INSYN2B: variants seen among roughly 807,000 people sequenced by gnomAD.
INSYN2B encodes the protein inhibitory synaptic factor family member 2B, also known as protein INSYN2B.
INSYN2B carries 16 observed loss-of-function variants against 41.2 expected under a neutral mutation model. The ratio of observed to expected loss-of-function variants is 0.39; its 90% CI spans 0.26 to 0.59. INSYN2B has a LOEUF of 0.59. Ranked by LOEUF, INSYN2B falls within the 20% of genes least tolerant of loss-of-function variation. INSYN2B has a pLI of 0.57. For synonymous variants in INSYN2B, 245 were observed against 244.4 expected, an observed-to-expected ratio of 1.00 and a Z score of -0.02; for missense variants, 608 against 646.4, an observed-to-expected ratio of 0.94 and a Z score of 0.64.
At position 169,881,242 on chromosome 5, in the gene INSYN2B, A is replaced by G; in HGVS notation, c.1421+126T>C. The G allele has an allele frequency of 8.0e-6, 6 of 750,108 alleles. No homozygotes were observed. The South Asian group carries it at 1.0e-4, about 13-fold the overall frequency. The allele number at this position is 750,108 out of a possible 1,614,324, so 46.5% of individuals were successfully genotyped here. On this transcript the variant is annotated intron_variant, in intron 3 of 3. Coordinates refer to ENST00000377365, the MANE Select transcript of INSYN2B (RefSeq NM_001129891.3). Reference sequence around the variant, plus strand: ...ATCCCTGCCTTGGAACCAGATGTTAACATTTCATAGTTAAATACCTTGTTT... The same window carrying G: ...ATCCCTGCCTTGGAACCAGATGTTAGCATTTCATAGTTAAATACCTTGTTT...
intron 1 of INSYN2B, among the ~76,000 whole-genome samples, chr5:169,926,315 A>G (rs985154740): frequency 3.9e-5 from 6 of 152,234 alleles, no homozygotes; most frequent in African/African-American, 1.4e-4. Context: ...CGCTTTGCAT[A>G]GGATGGCACT....
At chr5:169,898,383 G>A (rs1773731200) in intron 1 of INSYN2B, among the ~76,000 whole-genome samples, 1 of 152,186 alleles carries the variant, frequency 6.6e-6, no homozygotes, top group Admixed American at 6.5e-5. Context: ...AGGTTCTAGA[G>A]CCAGGCTGCC....
At chr5:169,903,589 C>T (rs1320368496) in intron 1 of INSYN2B, among the ~76,000 whole-genome samples, 3 of 151,978 alleles carry the variant, frequency 2.0e-5, no homozygotes, top group Non-Finnish European at 2.9e-5. Context: ...GAAGTCACTT[C>T]AGGACACAGT....
chr5:169,919,569 A>G (rs1210292871), intron 1 of INSYN2B, among the ~76,000 whole-genome samples: 2 of 152,204 alleles, frequency 1.3e-5, no homozygotes, highest in East Asian at 1.9e-4. Context: ...TGGACATTAA[A>G]CTGATCATTA....
Position 169,974,119 on chromosome 5 carries a change from TAAATG to T in INSYN2B, c.-919+6153_-919+6157del, listed in dbSNP as rs768101492. ...ATGATAGCCTCCTTTTTTTCTAAAT[TAAATG>T]AAAGCATTCTGAAGTCAAGCTGATC... is the stretch of plus-strand genomic sequence containing the variant. On this transcript the variant is annotated intron_variant, in intron 1 of 3. Coordinates refer to ENST00000377365, the MANE Select transcript of INSYN2B (RefSeq NM_001129891.3). Among the ~76,000 whole-genome samples the T allele has an allele frequency of 4.6e-5, 7 of 152,196 alleles. No homozygotes were observed. The East Asian group carries it at 7.7e-4, about 17-fold the overall frequency.
intron 1 of INSYN2B, among the ~76,000 whole-genome samples, chr5:169,931,835 G>T (rs1232874914): frequency 6.6e-6 from 1 of 152,208 alleles, no homozygotes; most frequent in Non-Finnish European, 1.5e-5. Flanking sequence ...TTCCTCCAGG[G>T]ATCATAGCCT....
At position 169,881,437 on chromosome 5, in the gene INSYN2B, T is replaced by C; in HGVS notation, c.1352A>G (p.Asn451Ser). ...EKARALTEGR[N>S]FYRTGQDLNN... ...GAGATCTTGGCCAGTTCGATAAAAGTTGCGCCTGCAAGACAGAGCATTTGC... is the reference window on the plus strand; with the variant it reads ...GAGATCTTGGCCAGTTCGATAAAAGCTGCGCCTGCAAGACAGAGCATTTGC... The change falls in exon 3 of 4, where the codon AAC (asparagine) becomes AGC (serine). Residue 451 changes from asparagine (N) to serine (S), a missense_variant. Transcript: ENST00000377365. The C allele has an allele frequency of 6.4e-7, 1 of 1,551,464 alleles. No individual in the cohort carries two copies.
chr5:169,951,832 T>C (rs1776678779), intron 1 of INSYN2B, among the ~76,000 whole-genome samples: 1 of 152,122 alleles, frequency 6.6e-6, no homozygotes, highest in African/African-American at 2.4e-5. Context: ...ATGACAAAAC[T>C]GAGAAGCTGA....
chr5:169,923,096 A>G (rs2113656858), intron 1 of INSYN2B, among the ~76,000 whole-genome samples: 1 of 152,324 alleles, frequency 6.6e-6, no homozygotes, highest in African/African-American at 2.4e-5. Flanking sequence ...TCATGGAACC[A>G]GGATTGTGCC....
intron 1 of INSYN2B, among the ~76,000 whole-genome samples, chr5:169,972,712 C>T (rs1167243674): frequency 6.6e-6 from 1 of 152,074 alleles, no homozygotes; most frequent in East Asian, 1.9e-4. Flanking sequence ...TCCTTACACA[C>T]AATAAGTGCT....
At chr5:169,958,300 G>A (rs186053671) in intron 1 of INSYN2B, among the ~76,000 whole-genome samples, 2 of 152,264 alleles carry the variant, frequency 1.3e-5, no homozygotes, top group Admixed American at 6.5e-5. Flanking sequence ...GAATCTATTA[G>A]ATATGGTCTT....
intron 1 of INSYN2B, among the ~76,000 whole-genome samples, chr5:169,954,468 T>C (rs1776786214): frequency 6.6e-6 from 1 of 152,196 alleles, no homozygotes; most frequent in African/African-American, 2.4e-5. Flanking sequence ...GGTAAGGCAA[T>C]AGATGAAGGC....
At chr5:169,910,487 G>A (rs924810838) in intron 1 of INSYN2B, among the ~76,000 whole-genome samples, 12 of 152,106 alleles carry the variant, frequency 7.9e-5, no homozygotes, top group South Asian at 2.1e-4. Flanking sequence ...GGTTGGAGGC[G>A]TGCTTACCTT....
intron 1 of INSYN2B, among the ~76,000 whole-genome samples, chr5:169,935,253 A>G (rs1409151327): frequency 6.9e-6 from 1 of 144,390 alleles, no homozygotes; most frequent in Non-Finnish European, 1.5e-5. Flanking sequence ...GTCACTGCCA[A>G]GATCCTCTCT....
chr5:169,884,989 G>A (rs1281502980), intron 1 of INSYN2B, among the ~76,000 whole-genome samples, 173 bp from the exon 2 acceptor site: 1 of 152,052 alleles, frequency 6.6e-6, no homozygotes, highest in Non-Finnish European at 1.5e-5. Flanking sequence ...GTGGGTGCAA[G>A]GCCTTGGAAC....
chr5:169,978,386 T>TGGG (rs1561863630), intron 1 of INSYN2B, among the ~76,000 whole-genome samples: 3 of 16,720 alleles, frequency 1.8e-4, no homozygotes, highest in Non-Finnish European at 2.3e-4. Context: ...TGTGTGTGTG[T>TGGG]GTGTGTGGGG....
At chr5:169,892,167 T>C (rs1177267673) in intron 1 of INSYN2B, among the ~76,000 whole-genome samples, 1 of 151,926 alleles carries the variant, frequency 6.6e-6, no homozygotes. Flanking sequence ...TAAAACACAA[T>C]AAAGTGGAGT....
chr5:169,876,792 A>G (rs1298916468), intron 3 of INSYN2B, among the ~76,000 whole-genome samples: 4 of 152,220 alleles, frequency 2.6e-5, no homozygotes, highest in African/African-American at 9.7e-5. Flanking sequence ...ACTAATAGTA[A>G]CAATGACTTT....
intron 1 of INSYN2B, among the ~76,000 whole-genome samples, chr5:169,962,343 A>G (rs11745843): frequency 0.74 from 112,809 of 152,036 alleles, 43,016 homozygotes; most frequent in African/African-American, 0.93. Context: ...AGAGTTGGAT[A>G]TGGCCAGTCA....
Sources: allele counts gnomAD v4.1 joint callset (sites outside exome capture counted in the v4.1 genomes callset), GRCh38; gene constraint gnomAD v4.1.1; transcripts MANE v1.5; gene names NCBI Gene and HGNC (gene_info 2026-07-23, HGNC 2026-07-21).